KCTD8: variants seen among roughly 807,000 people sequenced by gnomAD.
The protein encoded by KCTD8 is BTB/POZ domain-containing protein KCTD8.
In KCTD8, 27 loss-of-function variants were observed where a neutral mutation model predicts 31.5. That is an observed-to-expected ratio of 0.86 (90% CI 0.63 to 1.18). The LOEUF (loss-of-function observed/expected upper bound fraction) is 1.18. Ranked by LOEUF, KCTD8 falls within the 50% of genes most tolerant of loss-of-function variation. KCTD8 has a pLI of 0.00. For synonymous variants in KCTD8, 290 were observed against 280.0 expected (o/e 1.04, Z -0.36); for missense variants, 658 against 647.7 (o/e 1.02, Z -0.17).
chr4:44,253,507 G>A (rs545777657), intron 1 of KCTD8, among the ~76,000 whole-genome samples: 181 of 151,852 alleles, frequency 1.2e-3, no homozygotes, highest in Non-Finnish European at 2.1e-3. Flanking sequence ...AACATTGCAG[G>A]AATGACACCA....
intron 1 of KCTD8, among the ~76,000 whole-genome samples, chr4:44,443,926 T>C (rs10024393): frequency 0.86 from 130,146 of 152,130 alleles, 55,776 homozygotes; most frequent in South Asian, 0.9. Flanking sequence ...AGCAGACATC[T>C]CTTAAAAACA....
At chr4:44,350,189 TCCTG>T (rs981895436) in intron 1 of KCTD8, among the ~76,000 whole-genome samples, 3 of 152,184 alleles carry the variant, frequency 2.0e-5, no homozygotes, top group African/African-American at 7.2e-5. Context: ...TCTCATACTT[TCCTG>T]CCTATGTTTT....
chr4:44,283,719 T>G (rs542851657), intron 1 of KCTD8, among the ~76,000 whole-genome samples: 24 of 152,278 alleles, frequency 1.6e-4, no homozygotes, highest in Non-Finnish European at 3.2e-4. Flanking sequence ...ATTTTATATT[T>G]AGAAAACTCC....
At chr4:44,215,550 T>C (rs1352368994) in intron 1 of KCTD8, among the ~76,000 whole-genome samples, 1 of 152,220 alleles carries the variant, frequency 6.6e-6, no homozygotes, top group Non-Finnish European at 1.5e-5. Context: ...ATTTCTATAC[T>C]GTAATTGTGA....
At chr4:44,248,246 T>G (rs77749372) in intron 1 of KCTD8, among the ~76,000 whole-genome samples, 1 of 151,998 alleles carries the variant, frequency 6.6e-6, no homozygotes, top group Non-Finnish European at 1.5e-5. Flanking sequence ...ATAAAATTAT[T>G]ATTTAGGAAA....
chr4:44,340,818 G>C lies in KCTD8; in HGVS notation c.961+106745C>G, dbSNP rs140935806. On this transcript the variant is annotated intron_variant, in intron 1 of 1. Coordinates refer to ENST00000360029, the MANE Select transcript of KCTD8 (RefSeq NM_198353.3). ...ATCTATGATGATAACAATCAGAAGA[G>C]TGCTTGCCTTGGAGAAGGAGTTATG... Among the ~76,000 whole-genome samples the C allele has an allele frequency of 3.3e-5, 5 of 152,184 alleles. No individual in the cohort carries two copies. The East Asian group carries it at 9.7e-4, about 29-fold the overall frequency.
At chr4:44,392,938 C>A (rs971841557) in intron 1 of KCTD8, among the ~76,000 whole-genome samples, 4 of 151,964 alleles carry the variant, frequency 2.6e-5, no homozygotes, top group Non-Finnish European at 5.9e-5. Flanking sequence ...CTAAATATAT[C>A]AAATTGTCAG....
At chr4:44,335,310 T>C (rs1484495841) in intron 1 of KCTD8, among the ~76,000 whole-genome samples, 3 of 152,138 alleles carry the variant, frequency 2.0e-5, no homozygotes, top group Non-Finnish European at 4.4e-5. Flanking sequence ...ATTAATATTT[T>C]AATCTAAAAA....
chr4:44,431,392 T>C (rs1721498733), intron 1 of KCTD8, among the ~76,000 whole-genome samples: 1 of 151,560 alleles, frequency 6.6e-6, no homozygotes, highest in Non-Finnish European at 1.5e-5. Context: ...GATAAAGATC[T>C]TACTTATTTT....
At chr4:44,269,537 A>C (rs1350303203) in intron 1 of KCTD8, among the ~76,000 whole-genome samples, 7 of 151,690 alleles carry the variant, frequency 4.6e-5, no homozygotes, top group African/African-American at 1.7e-4. Context: ...AAAATTGACA[A>C]ATGGGATCTA....
chr4:44,250,920 C>A (rs11932032), intron 1 of KCTD8, among the ~76,000 whole-genome samples: 1 of 151,628 alleles, frequency 6.6e-6, no homozygotes, highest in Admixed American at 6.6e-5. Context: ...ATTTCATGTA[C>A]GCAAATGTAA....
intron 1 of KCTD8, among the ~76,000 whole-genome samples, chr4:44,386,250 T>C (rs2109446539): frequency 6.6e-6 from 1 of 151,604 alleles, no homozygotes; most frequent in East Asian, 1.9e-4. Context: ...TCTACAGTCA[T>C]GTTTAGAGAC....
chr4:44,229,324 C>T (rs980444645), intron 1 of KCTD8, among the ~76,000 whole-genome samples: 4 of 152,110 alleles, frequency 2.6e-5, no homozygotes, highest in Admixed American at 1.3e-4. Context: ...CCACACCTGT[C>T]GTGCTAAAGT....
At chr4:44,423,229 T>C (rs1251070598) in intron 1 of KCTD8, among the ~76,000 whole-genome samples, 1 of 152,130 alleles carries the variant, frequency 6.6e-6, no homozygotes, top group Non-Finnish European at 1.5e-5. Flanking sequence ...ATCTCAATAG[T>C]ACCTTGGTTG....
At chr4:44,444,306 A>G (rs1041819603) in intron 1 of KCTD8, among the ~76,000 whole-genome samples, 3 of 152,226 alleles carry the variant, frequency 2.0e-5, no homozygotes, top group Admixed American at 2.0e-4. Flanking sequence ...AGAAAAACCA[A>G]TTGGAATATG....
At chr4:44,263,684 T>C (rs905029339) in intron 1 of KCTD8, among the ~76,000 whole-genome samples, 10 of 152,150 alleles carry the variant, frequency 6.6e-5, no homozygotes, top group Admixed American at 6.5e-4. Context: ...AAGCTGTTAT[T>C]AGGATTAGTG....
At chr4:44,408,033 A>C (rs1577659152) in intron 1 of KCTD8, among the ~76,000 whole-genome samples, 1 of 152,266 alleles carries the variant, frequency 6.6e-6, no homozygotes. Flanking sequence ...TCCTGTCATC[A>C]AAAAGAATAT....
chr4:44,391,603 A>G (rs2109450367), intron 1 of KCTD8, among the ~76,000 whole-genome samples: 1 of 151,602 alleles, frequency 6.6e-6, no homozygotes, highest in South Asian at 2.1e-4. Context: ...TAATATATAT[A>G]AAATACATAT....
chr4:44,389,072 A>G (rs1720301204), intron 1 of KCTD8, among the ~76,000 whole-genome samples: 1 of 151,926 alleles, frequency 6.6e-6, no homozygotes, highest in Admixed American at 6.6e-5. Flanking sequence ...GCTAAAAATT[A>G]AAACAATTGA....
Sources: gnomAD v4.1 joint callset for allele counts (sites outside exome capture counted in the v4.1 genomes callset) on GRCh38, gnomAD v4.1.1 for gene constraint, MANE v1.5 for transcripts, NCBI Gene and HGNC (gene_info 2026-07-23, HGNC 2026-07-21) for gene names.